LIPI: variants seen among roughly 807,000 people sequenced by gnomAD.
LIPI encodes lipase I, also known as lipase member I.
Under a neutral mutation model 50.6 loss-of-function variants are expected in LIPI, and 59 were observed. The ratio of observed to expected loss-of-function variants is 1.16; its 90% confidence interval spans 0.94 to 1.45. The LOEUF is 1.45. LIPI is among the 40% of genes most tolerant of loss of function. The probability of loss-of-function intolerance (pLI) is 0.00; values close to 1 mark genes in which losing one functional copy is unlikely to be tolerated. For synonymous variants in LIPI, 203 were observed against 178.2 expected (o/e 1.14, Z -1.11); for missense variants, 586 against 536.3 (o/e 1.09, Z -0.92).
At chr21:14,185,601 G>C (rs2019424238) in intron 3 of LIPI, among the ~76,000 whole-genome samples, 1 of 152,194 alleles carries the variant, frequency 6.6e-6, no homozygotes, top group Non-Finnish European at 1.5e-5. Flanking sequence ...AAAGTGGCTG[G>C]CCACAGTGGC....
intron 7 of LIPI, among the ~76,000 whole-genome samples, chr21:14,161,632 T>C (rs540301595): frequency 9.0e-6 from 1 of 110,928 alleles, no homozygotes; most frequent in African/African-American, 3.7e-5. Context: ...AATATATTAA[T>C]ATATAATATA....
At chr21:14,139,966 T>A (rs147745687) in intron 9 of LIPI, among the ~76,000 whole-genome samples, 87 of 152,258 alleles carry the variant, frequency 5.7e-4, no homozygotes, top group African/African-American at 2.1e-3. Context: ...GCAGTGGAGA[T>A]ACTAGTTAGG....
chr21:14,157,162 T>C (rs1169241715), intron 7 of LIPI, among the ~76,000 whole-genome samples: 4 of 151,788 alleles, frequency 2.6e-5, no homozygotes, highest in Non-Finnish European at 4.4e-5. Context: ...AAGACAGAAA[T>C]TGAGATGAAA....
At chr21:14,120,667 CAG>C (rs1476301955) in intron 9 of LIPI, among the ~76,000 whole-genome samples, 2 of 152,196 alleles carry the variant, frequency 1.3e-5, no homozygotes, top group Non-Finnish European at 1.5e-5. Context: ...CCTCCCCTTG[CAG>C]AGACTCCTAA....
At chr21:14,199,797 C>A (rs541858848) in intron 1 of LIPI, among the ~76,000 whole-genome samples, 1 of 151,618 alleles carries the variant, frequency 6.6e-6, no homozygotes, top group Non-Finnish European at 1.5e-5. Context: ...GATTTAACAA[C>A]ACCACAAAAA....
intron 9 of LIPI, among the ~76,000 whole-genome samples, chr21:14,112,332 T>C (rs2016448734): frequency 6.6e-6 from 1 of 152,120 alleles, no homozygotes; most frequent in Non-Finnish European, 1.5e-5. Context: ...TATTTTGTGG[T>C]TTCATACAAA....
chr21:14,121,495 T>C (rs2016859211), intron 9 of LIPI, among the ~76,000 whole-genome samples: 1 of 152,180 alleles, frequency 6.6e-6, no homozygotes, highest in African/African-American at 2.4e-5. Context: ...ATTGGAGAAC[T>C]GACCCTAAGA....
intron 2 of LIPI, among the ~76,000 whole-genome samples, chr21:14,187,077 A>G (rs1026050705): frequency 6.6e-6 from 1 of 152,206 alleles, no homozygotes; most frequent in Non-Finnish European, 1.5e-5. Context: ...CAAAAGTTCA[A>G]TAATGATTCT....
chr21:14,210,953 T>C lies in LIPI; in HGVS notation c.-108A>G. The C allele has an allele frequency of 9.5e-7, 1 of 1,057,938 alleles. No homozygotes were observed. The highest frequency in any genetic ancestry group is 1.1e-6 in the Non-Finnish European group (1 of 871,580). 65.5% of individuals were successfully genotyped at this position (1,057,938 alleles called of 1,614,324 possible). On this transcript the variant is annotated 5_prime_UTR_variant, in exon 1 of 10. Coordinates refer to ENST00000681601, the MANE Select transcript of LIPI (RefSeq NM_001302998.2). ...ATCATCACAGGCTGGCAGGTTCTTCTGTAAAAGTTCACTGATTTTTGCTCC... is the reference window on the plus strand; with the variant it reads ...ATCATCACAGGCTGGCAGGTTCTTCCGTAAAAGTTCACTGATTTTTGCTCC...
intron 9 of LIPI, among the ~76,000 whole-genome samples, chr21:14,137,309 G>A (rs902104206): frequency 6.6e-6 from 1 of 152,140 alleles, no homozygotes; most frequent in Non-Finnish European, 1.5e-5. Flanking sequence ...CAAAATAGCA[G>A]TGTTGAGGAA....
At chr21:14,170,726 C>G (rs374185662) in intron 4 of LIPI, among the ~76,000 whole-genome samples, 19,868 of 149,674 alleles carry the variant, frequency 0.13, 1,780 homozygotes, top group Non-Finnish European at 0.19. Context: ...AAAATAATAA[C>G]AGCTATCTAT....
chr21:14,188,622 G>A (rs544525251), intron 2 of LIPI, among the ~76,000 whole-genome samples: 1 of 145,210 alleles, frequency 6.9e-6, no homozygotes, highest in Non-Finnish European at 1.5e-5. Context: ...ATTCACACTC[G>A]ATTATATGCA....
At chr21:14,172,753 T>C (rs993773618) in intron 4 of LIPI, among the ~76,000 whole-genome samples, 3 of 151,890 alleles carry the variant, frequency 2.0e-5, no homozygotes, top group African/African-American at 7.3e-5. Flanking sequence ...CACTAGGAGA[T>C]ATACCTAATG....
intron 1 of LIPI, among the ~76,000 whole-genome samples, chr21:14,202,285 C>T (rs1249647129): frequency 3.3e-5 from 5 of 152,122 alleles, no homozygotes; most frequent in Admixed American, 6.6e-5. Context: ...TCAATGCCAT[C>T]CCCATCAAGC....
chr21:14,191,152 G>A (rs2123289894), intron 1 of LIPI, among the ~76,000 whole-genome samples: 1 of 152,222 alleles, frequency 6.6e-6, no homozygotes, highest in African/African-American at 2.4e-5. Flanking sequence ...GCCGAGGCGG[G>A]CGGATCACGA....
intron 1 of LIPI, 73 bp from the exon 2 acceptor site, chr21:14,189,492 G>T (rs2019590101): frequency 1.1e-5 from 15 of 1,367,834 alleles, no homozygotes; most frequent in Non-Finnish European, 1.5e-5. Flanking sequence ...GCAAAGAACA[G>T]AATTAAATGT....
chr21:14,130,079 T>C (rs2017229384), intron 9 of LIPI, among the ~76,000 whole-genome samples: 1 of 152,086 alleles, frequency 6.6e-6, no homozygotes, highest in Non-Finnish European at 1.5e-5. Flanking sequence ...TGTAAAATTG[T>C]AAAGTTAGTT....
chr21:14,154,354 G>C (rs2018203365), intron 7 of LIPI, among the ~76,000 whole-genome samples: 1 of 151,840 alleles, frequency 6.6e-6, no homozygotes, highest in Non-Finnish European at 1.5e-5. Flanking sequence ...TTCTGACTGA[G>C]GGAAGGATAA....
intron 7 of LIPI, among the ~76,000 whole-genome samples, chr21:14,154,425 A>G (rs546356435): frequency 3.2e-4 from 49 of 152,210 alleles, no homozygotes; most frequent in Middle Eastern, 3.4e-3. Context: ...TTGAAAAGCT[A>G]CTACTAGGAT....
Sources: gnomAD v4.1 joint callset for allele counts (sites outside exome capture counted in the v4.1 genomes callset) on GRCh38, gnomAD v4.1.1 for gene constraint, MANE v1.5 for transcripts, NCBI Gene and HGNC (gene_info 2026-07-23, HGNC 2026-07-21) for gene names.